The following INPP4B variants were observed in gnomAD, a reference collection of about 807,000 sequenced individuals.
INPP4B encodes the protein inositol polyphosphate-4-phosphatase type II B, also known as inositol polyphosphate 4-phosphatase type II.
A neutral mutation model predicts 122.5 loss-of-function variants in INPP4B; 55 were observed. The ratio of observed to expected loss-of-function variants is 0.45; its 90% CI spans 0.36 to 0.56. The LOEUF (loss-of-function observed/expected upper bound fraction) is 0.56, where lower values mean the gene tolerates loss of function less well. Among genes scored for constraint, INPP4B ranks in the 20% least tolerant of loss-of-function variants. The pLI is 0.00. For synonymous variants in INPP4B, 403 were observed against 388.7 expected, an observed-to-expected ratio of 1.04 and a Z score of -0.43; for missense variants, 1,000 against 1,097.7, an observed-to-expected ratio of 0.91 and a Z score of 1.26.
chr4:142,790,074 A>G (rs1776327253), intron 1 of INPP4B, among the ~76,000 whole-genome samples: 1 of 152,162 alleles, frequency 6.6e-6, no homozygotes, highest in Non-Finnish European at 1.5e-5. Flanking sequence ...TTCTACAAAA[A>G]CCAACACAAG....
chr4:142,023,498 T>C lies in INPP4B; in HGVS notation c.*5284A>G, dbSNP rs1736101123. On this transcript the variant is annotated 3_prime_UTR_variant, in exon 26 of 26. Transcript: ENST00000262992. ...AAATGAGAGTGCCCATACAGTTATA[T>C]GCAAACTTTTGAAAGTTTCATAGTT... The C allele has an allele frequency of 6.6e-6, 1 of 152,222 alleles. No homozygotes were observed. The allele number at this position is 152,222 out of a possible 1,614,324, so 9.4% of individuals were successfully genotyped here.
intron 11 of INPP4B, among the ~76,000 whole-genome samples, chr4:142,252,178 T>G (rs545227016): frequency 1.4e-4 from 21 of 145,324 alleles, no homozygotes; most frequent in Non-Finnish European, 1.9e-4. Context: ...CCTGTCACTA[T>G]AGTAGTCATT....
At chr4:142,334,906 G>A (rs1432932274) in intron 7 of INPP4B, among the ~76,000 whole-genome samples, 1 of 151,646 alleles carries the variant, frequency 6.6e-6, no homozygotes, top group African/African-American at 2.4e-5. Context: ...TATTTTTCCA[G>A]TTCTATAGGT....
At chr4:142,754,209 A>T (rs1010728628) in intron 1 of INPP4B, among the ~76,000 whole-genome samples, 2 of 151,914 alleles carry the variant, frequency 1.3e-5, no homozygotes, top group Admixed American at 6.6e-5. Context: ...CTCAAACATA[A>T]CTCCAAAATA....
Position 142,603,978 on chromosome 4 carries a change from A to G in INPP4B, c.-191+121861T>C, listed in dbSNP as rs555649004. Among the ~76,000 whole-genome samples the G allele has an allele frequency of 1.3e-4, 20 of 152,152 alleles. No individual in the cohort carries two copies. In the Middle Eastern group the frequency reaches 0.014, roughly 104 times the overall value. On this transcript the variant is annotated intron_variant, in intron 2 of 25. Coordinates refer to ENST00000262992, the MANE Select transcript of INPP4B (RefSeq NM_001101669.3). ...TGAACATAGGTGCAAAAAATCCTCA[A>G]TGAAGTACTAGTAAACTGAATTCAA... is the stretch of plus-strand genomic sequence containing the variant.
chr4:142,271,907 T>C (rs1243001070), intron 9 of INPP4B, among the ~76,000 whole-genome samples: 2 of 152,232 alleles, frequency 1.3e-5, no homozygotes, highest in African/African-American at 4.8e-5. Context: ...CTAGTTTCCT[T>C]TTCCGAGCAA....
intron 7 of INPP4B, among the ~76,000 whole-genome samples, chr4:142,327,484 C>T (rs1772846936): frequency 6.6e-6 from 1 of 151,434 alleles, no homozygotes; most frequent in Admixed American, 6.6e-5. Context: ...GAGGGGCTTT[C>T]AAGGTAGCTC....
At chr4:142,294,531 GA>G (rs1366005170) in intron 9 of INPP4B, among the ~76,000 whole-genome samples, 2 of 151,936 alleles carry the variant, frequency 1.3e-5, no homozygotes, top group Admixed American at 1.3e-4. Context: ...AAATGGTGGG[GA>G]AAAAGTGGAC....
intron 25 of INPP4B, among the ~76,000 whole-genome samples, chr4:142,054,547 A>ATT (rs1428319303): frequency 1.2e-4 from 18 of 151,734 alleles, no homozygotes; most frequent in African/African-American, 4.3e-4. Context: ...CACACACAAT[A>ATT]ATATAAAAGT....
intron 1 of INPP4B, among the ~76,000 whole-genome samples, chr4:142,834,933 T>G (rs936107366): frequency 6.6e-6 from 1 of 152,200 alleles, no homozygotes; most frequent in African/African-American, 2.4e-5. Context: ...AATTCGAGAA[T>G]CTTAACAAAA....
intron 9 of INPP4B, 100 bp downstream of exon 9, chr4:142,305,358 T>C (rs1348129179): frequency 3.5e-6 from 3 of 859,916 alleles, no homozygotes; most frequent in Non-Finnish European, 5.6e-6. Context: ...AGAACTGACA[T>C]CTAACATCTG....
intron 2 of INPP4B, among the ~76,000 whole-genome samples, chr4:142,708,816 T>C (rs1049928997): frequency 2.0e-5 from 3 of 152,190 alleles, no homozygotes; most frequent in African/African-American, 7.2e-5. Context: ...ACTGTGGCAC[T>C]GCCTAGCAGA....
At chr4:142,743,512 A>G (rs2150925299) in intron 1 of INPP4B, among the ~76,000 whole-genome samples, 1 of 152,000 alleles carries the variant, frequency 6.6e-6, no homozygotes, top group South Asian at 2.1e-4. Flanking sequence ...ACTGATTGAG[A>G]ATGCATGAGA....
At chr4:142,651,825 C>A (rs1042401539) in intron 2 of INPP4B, among the ~76,000 whole-genome samples, 3 of 152,190 alleles carry the variant, frequency 2.0e-5, no homozygotes, top group African/African-American at 7.2e-5. Flanking sequence ...CCTTCTGTAA[C>A]TATTCTAATC....
chr4:142,357,311 A>C (rs1783929353), intron 7 of INPP4B, among the ~76,000 whole-genome samples: 1 of 151,842 alleles, frequency 6.6e-6, no homozygotes, highest in African/African-American at 2.4e-5. Flanking sequence ...TGAGCCCTTA[A>C]CCTGTGGGGT....
chr4:142,623,855 G>C (rs1408713615), intron 2 of INPP4B, among the ~76,000 whole-genome samples: 5 of 151,860 alleles, frequency 3.3e-5, no homozygotes, highest in Admixed American at 6.6e-5. Flanking sequence ...TACTGAGAAT[G>C]ATGATTTCCA....
In INPP4B at chr4:142,194,959, GC is replaced by G. The variant is rs369306615; in HGVS notation, c.1073-1765del. On this transcript the variant is annotated intron_variant, in intron 14 of 25. Transcript: ENST00000262992. ...GTCTGAAAAGAAAAATGATGCTGGG[GC>G]TCAGTCTTCTGAATGGAATGAGTTC... 4.9e-4 allele frequency among the ~76,000 whole-genome samples: 75 copies of G among 152,266 alleles called. 1 individual carries two copies. In the East Asian group the frequency reaches 0.014, roughly 28 times the overall value.
At chr4:142,584,217 T>C (rs754949936) in intron 2 of INPP4B, among the ~76,000 whole-genome samples, 12 of 152,114 alleles carry the variant, frequency 7.9e-5, no homozygotes, top group Non-Finnish European at 1.2e-4. Flanking sequence ...ATTGTTAAGA[T>C]AGTAAAGAGA....
chr4:142,712,397 CA>C (rs1188752233), intron 2 of INPP4B, among the ~76,000 whole-genome samples: 1 of 152,182 alleles, frequency 6.6e-6, no homozygotes, highest in Non-Finnish European at 1.5e-5. Context: ...GCTGACCCTA[CA>C]AGATGCAGAT....
Sources: allele counts gnomAD v4.1 joint callset (sites outside exome capture counted in the v4.1 genomes callset), GRCh38; gene constraint gnomAD v4.1.1; transcripts MANE v1.5; gene names NCBI Gene and HGNC (gene_info 2026-07-23, HGNC 2026-07-21).